SCML2: variants seen among roughly 807,000 people sequenced by gnomAD.
The protein encoded by SCML2 is Scm polycomb group protein like 2.
Under a neutral mutation model 48.4 loss-of-function variants are expected in SCML2, and 6 were observed. The ratio of observed to expected loss-of-function variants is 0.12; its 90% confidence interval spans 0.07 to 0.24. The LOEUF (loss-of-function observed/expected upper bound fraction) is 0.24. Among genes scored for constraint, SCML2 ranks in the 10% least tolerant of loss-of-function variants. The pLI is 1.00. For missense variants in SCML2, 377 were observed against 528.2 expected (o/e 0.71, Z 2.81); for synonymous variants, 181 against 189.5 (o/e 0.95, Z 0.37).
At chrX:18,311,300 CA>C (rs1928940642) in intron 6 of SCML2, among the ~76,000 whole-genome samples, 1 of 111,864 alleles carries the variant, frequency 8.9e-6, no homozygotes, top group Non-Finnish European at 1.9e-5. Context: ...GCAAAAAAGA[CA>C]AAATCCCTCC....
At chrX:18,281,643 C>T (rs1257744224) in intron 7 of SCML2, among the ~76,000 whole-genome samples, 2 of 97,240 alleles carry the variant, frequency 2.1e-5, no homozygotes, top group Non-Finnish European at 4.0e-5. Context: ...ACCTGGGAGG[C>T]GGAGGTTGCA....
chrX:18,331,259 C>CAAA (rs35589774), intron 2 of SCML2, among the ~76,000 whole-genome samples: 2,199 of 16,249 alleles, frequency 0.14, 723 homozygotes, highest in East Asian at 0.22. Flanking sequence ...GACTCCGTCT[C>CAAA]AAAAAAAAAA....
At chrX:18,255,371 G>T (rs756699238) in intron 11 of SCML2, among the ~76,000 whole-genome samples, 1 of 112,097 alleles carries the variant, frequency 8.9e-6, no homozygotes, top group African/African-American at 3.2e-5. Context: ...AATGTAGGCC[G>T]GTCAGACTTT....
At chrX:18,287,993 A>G (rs756109475) in intron 7 of SCML2, among the ~76,000 whole-genome samples, 2 of 111,777 alleles carry the variant, frequency 1.8e-5, no homozygotes, top group Non-Finnish European at 3.8e-5. Flanking sequence ...TGACATTATT[A>G]AAAATATGAT....
At chrX:18,325,086 G>C in intron 3 of SCML2, 109 bp from the exon 4 acceptor site, 29 of 241,651 alleles carry the variant, frequency 1.2e-4, no homozygotes, top group East Asian at 6.4e-5. Context: ...CCTCTTAAAA[G>C]AAAAAAAAAA....
At chrX:18,251,296 C>A (rs1602076032) in intron 11 of SCML2, among the ~76,000 whole-genome samples, 1 of 54,708 alleles carries the variant, frequency 1.8e-5, no homozygotes, top group Admixed American at 3.2e-4. Context: ...GGTAACAGAG[C>A]AAGATTCCAT....
At chrX:18,280,839 C>A in intron 7 of SCML2, among the ~76,000 whole-genome samples, 1 of 111,967 alleles carries the variant, frequency 8.9e-6, no homozygotes, top group Middle Eastern at 4.7e-3. Context: ...AACACTGGAG[C>A]ACCCAGATTC....
At chrX:18,249,167 C>A (rs1231725437) in intron 11 of SCML2, among the ~76,000 whole-genome samples, 1 of 111,937 alleles carries the variant, frequency 8.9e-6, no homozygotes, top group Admixed American at 9.5e-5. Flanking sequence ...TAAAAACTAT[C>A]TTTTTCAAAA....
intron 14 of SCML2, among the ~76,000 whole-genome samples, chrX:18,242,138 CG>C (rs1333275188): frequency 9.0e-6 from 1 of 111,435 alleles, no homozygotes; most frequent in Non-Finnish European, 1.9e-5. Context: ...GGGAGCAGGT[CG>C]GGGAGGATCC....
chrX:18,255,924 C>T (rs1203115032), intron 11 of SCML2, among the ~76,000 whole-genome samples: 1 of 111,873 alleles, frequency 8.9e-6, no homozygotes, highest in Admixed American at 9.5e-5. Context: ...TACAATCCTG[C>T]CATGATCAAT....
chrX:18,332,054 G>A (rs1929675912), intron 2 of SCML2, among the ~76,000 whole-genome samples: 2 of 111,918 alleles, frequency 1.8e-5, no homozygotes, highest in African/African-American at 6.5e-5. Context: ...AACAGTCGTG[G>A]ATGGCTATTG....
At chrX:18,345,481 C>T (rs778704724) in intron 1 of SCML2, among the ~76,000 whole-genome samples, 51 of 109,865 alleles carry the variant, frequency 4.6e-4, no homozygotes, top group African/African-American at 1.5e-3. Context: ...ACCTCAACCT[C>T]CCCGGGCTCA....
At chrX:18,281,081 A>G (rs1010744877) in intron 7 of SCML2, among the ~76,000 whole-genome samples, 4 of 91,840 alleles carry the variant, frequency 4.4e-5, no homozygotes, top group Non-Finnish European at 8.6e-5. Context: ...ACATATTCTA[A>G]AATCGACCAC....
chrX:18,334,427 A>G, intron 1 of SCML2, among the ~76,000 whole-genome samples: 1 of 111,662 alleles, frequency 9.0e-6, no homozygotes, highest in Non-Finnish European at 1.9e-5. Flanking sequence ...GCAAATTTTG[A>G]CTCAATTTTT....
chrX:18,259,659 G>GA (rs1926988282), intron 9 of SCML2, among the ~76,000 whole-genome samples: 1 of 110,660 alleles, frequency 9.0e-6, no homozygotes, highest in African/African-American at 3.3e-5. Context: ...ATAATAAACT[G>GA]AAAAAAATGA....
rs181117022 is a variant in SCML2 at position 18,286,990 on chromosome X, G to T, written c.730+17982C>A. Among the ~76,000 whole-genome samples the T allele has an allele frequency of 1.4e-4, 16 of 110,448 alleles. 1 individual carries two copies. The highest frequency in any genetic ancestry group is 1.4e-3 in the Admixed American group (14 of 10,268). ...CCAGAGGGTTCTCTTCATCTATCAA[G>T]CAGAGATGGATGACATGGCCAGAGT... On this transcript the variant is annotated intron_variant, in intron 7 of 14. Transcript: ENST00000251900.
chrX:18,340,671 G>A (rs1475061816), intron 1 of SCML2, among the ~76,000 whole-genome samples: 2 of 109,100 alleles, frequency 1.8e-5, no homozygotes, highest in African/African-American at 3.3e-5. Context: ...TTAGCCAGAC[G>A]TGATGGCAGG....
intron 7 of SCML2, among the ~76,000 whole-genome samples, chrX:18,299,931 A>G (rs769648465): frequency 9.1e-6 from 1 of 109,555 alleles, no homozygotes; most frequent in African/African-American, 3.3e-5. Context: ...GTAGAGACAG[A>G]GTCTCACTGT....
chrX:18,247,910 G>GTCTA (rs1926508851), intron 11 of SCML2, 28 bp from the exon 12 acceptor site: 1 of 1,057,715 alleles, frequency 9.5e-7, no homozygotes, highest in Non-Finnish European at 1.3e-6. Context: ...ACAGTTGTCT[G>GTCTA]TTATAACGAA....
Sources: gnomAD v4.1 joint callset for allele counts (sites outside exome capture counted in the v4.1 genomes callset) on GRCh38, gnomAD v4.1.1 for gene constraint, MANE v1.5 for transcripts, NCBI Gene and HGNC (gene_info 2026-07-23, HGNC 2026-07-21) for gene names.